The following CTDSP2 variants were observed in gnomAD, a reference collection of about 807,000 sequenced individuals.
CTDSP2 encodes the protein CTD small phosphatase 2.
A neutral mutation model predicts 31.6 loss-of-function variants in CTDSP2; 9 were observed. The ratio of observed to expected loss-of-function variants is 0.28; its 90% CI spans 0.17 to 0.50. The LOEUF (loss-of-function observed/expected upper bound fraction) is 0.50, where lower values mean the gene tolerates loss of function less well. CTDSP2 is among the 20% of genes least tolerant of loss of function. CTDSP2 has a pLI of 0.98. For synonymous variants in CTDSP2, 134 were observed against 134.5 expected (o/e 1.00, Z 0.03); for missense variants, 267 against 348.5 (o/e 0.77, Z 1.86).
intron 1 of CTDSP2, among the ~76,000 whole-genome samples, chr12:57,834,101 TC>T (rs1160087676): frequency 6.6e-6 from 1 of 152,160 alleles, no homozygotes; most frequent in East Asian, 1.9e-4. Flanking sequence ...GTATAGGGTC[TC>T]ATACACATTT....
chr12:57,842,519 A>G (rs1233815463), intron 1 of CTDSP2: 1 of 152,216 alleles, frequency 6.6e-6, no homozygotes, highest in East Asian at 1.9e-4. Context: ...GCAAACCCCC[A>G]GCCCCAGATG....
At chr12:57,837,051 G>C (rs919468123) in intron 1 of CTDSP2, 2 of 152,154 alleles carry the variant, frequency 1.3e-5, no homozygotes, top group Admixed American at 6.5e-5. Flanking sequence ...GAGCATTTCC[G>C]GCCCTTCTTG....
intron 1 of CTDSP2, 96 bp downstream of exon 1, chr12:57,846,276 C>T (rs886650575): frequency 1.4e-5 from 17 of 1,172,796 alleles, no homozygotes; most frequent in Non-Finnish European, 2.1e-5. Context: ...TGGCTCTAAG[C>T]CCTGGAGGTC....
intron 1 of CTDSP2, among the ~76,000 whole-genome samples, chr12:57,838,383 T>C (rs1399660996): frequency 2.0e-5 from 3 of 152,184 alleles, no homozygotes; most frequent in African/African-American, 7.2e-5. Context: ...AAGGTATCAT[T>C]GTGAGGGATT....
intron 5 of CTDSP2, among the ~76,000 whole-genome samples, chr12:57,825,668 C>T (rs909456700): frequency 3.9e-5 from 6 of 152,216 alleles, no homozygotes; most frequent in African/African-American, 1.4e-4. Flanking sequence ...TGATCCTTAA[C>T]CTGGGACTGC....
chr12:57,846,247 G>A (rs1956315364), intron 1 of CTDSP2, 125 bp downstream of exon 1: 1 of 817,052 alleles, frequency 1.2e-6, no homozygotes, highest in East Asian at 3.2e-5. Flanking sequence ...ATGGACCGGA[G>A]GGGTCCAGTC....
chr12:57,841,748 G>A lies in CTDSP2; in HGVS notation c.64+4624C>T, dbSNP rs376430576. ...TGAAAAATAAAACCCACAAGACTAC[G>A]TGCTGTTTACACTGTGTCCTTGGGG... On this transcript the variant is annotated intron_variant, in intron 1 of 7. Transcript: ENST00000398073. Among the ~76,000 whole-genome samples, 25 of 152,312 alleles carry A rather than the reference G, an allele frequency of 1.6e-4. No individual in the cohort carries two copies. In the South Asian group the frequency reaches 5.0e-3, roughly 30 times the overall value.
intron 1 of CTDSP2, among the ~76,000 whole-genome samples, chr12:57,830,058 G>C (rs1426379126): frequency 6.6e-6 from 1 of 152,188 alleles, no homozygotes; most frequent in Non-Finnish European, 1.5e-5. Context: ...TACTGGCTTA[G>C]TGGAGGCAGA....
intron 1 of CTDSP2, among the ~76,000 whole-genome samples, chr12:57,831,328 T>C (rs1264528836): frequency 6.6e-6 from 1 of 151,854 alleles, no homozygotes; most frequent in African/African-American, 2.4e-5. Flanking sequence ...TGGCACGCGC[T>C]TGTAATCCCA....
At chr12:57,839,403 T>A (rs1006282945) in intron 1 of CTDSP2, among the ~76,000 whole-genome samples, 5 of 152,120 alleles carry the variant, frequency 3.3e-5, no homozygotes, top group African/African-American at 1.2e-4. Flanking sequence ...ACCTGAATCA[T>A]GAACTCAAAA....
chr12:57,823,566 C>G lies in CTDSP2; in HGVS notation c.*36G>C. 6.2e-7 allele frequency: 1 copy of G among 1,610,662 alleles called. No individual in the cohort carries two copies. ...GTAAAGGCACAGTGTGGGAAAGTCC[C>G]CTACTGGGATGGCCGTCGCTTGGAA... is the stretch of plus-strand genomic sequence containing the variant. On this transcript the variant is annotated 3_prime_UTR_variant, in exon 8 of 8. Transcript: ENST00000398073.
At position 57,832,722 on chromosome 12, in the gene CTDSP2, G is replaced by A. The variant is rs193249605; in HGVS notation, c.65-3126C>T. 6.9e-5 allele frequency among the ~76,000 whole-genome samples: 10 copies of A among 144,972 alleles called. No homozygotes were observed. The East Asian group carries it at 2.3e-3, about 33-fold the overall frequency. On this transcript the variant is annotated intron_variant, in intron 1 of 7. Coordinates refer to ENST00000398073, the MANE Select transcript of CTDSP2 (RefSeq NM_005730.4). ...CAGGAGAATCACTTGAATCCGGGAG[G>A]CATAGGTTGCACTGAGCTGAGATCG...
intron 5 of CTDSP2, chr12:57,824,815 C>T: frequency 2.6e-6 from 1 of 380,682 alleles, no homozygotes; most frequent in South Asian, 1.9e-5. Flanking sequence ...GACAGACACC[C>T]TGCCGAGTCT....
intron 1 of CTDSP2, among the ~76,000 whole-genome samples, chr12:57,832,790 T>TAAAAAAAAAAAAAAAAAAA (rs61390174): frequency 2.2e-5 from 1 of 44,898 alleles, no homozygotes. Flanking sequence ...AGACTCTGGC[T>TAAAAAAAAAAAAAAAAAAA]AAAAAAAAAA....
intron 1 of CTDSP2, among the ~76,000 whole-genome samples, chr12:57,831,476 A>G (rs868778072): frequency 1.3e-5 from 2 of 152,168 alleles, no homozygotes; most frequent in Non-Finnish European, 2.9e-5. Flanking sequence ...TATCTTTTGC[A>G]AGTTCCTTTT....
intron 1 of CTDSP2, among the ~76,000 whole-genome samples, chr12:57,839,678 C>A (rs190311845): frequency 1.3e-5 from 2 of 151,912 alleles, no homozygotes; most frequent in African/African-American, 2.4e-5. Context: ...AGATCGAGAT[C>A]GCGCCACTGC....
At chr12:57,826,303 C>T (rs769745581) in intron 5 of CTDSP2, 43 bp downstream of exon 5, 3 of 1,586,614 alleles carry the variant, frequency 1.9e-6, no homozygotes, top group Non-Finnish European at 1.7e-6. Flanking sequence ...AGAAGGCAGA[C>T]CCCCCACCCT....
chr12:57,828,744 G>A (rs1329574474), intron 2 of CTDSP2, among the ~76,000 whole-genome samples: 2 of 152,230 alleles, frequency 1.3e-5, no homozygotes, highest in African/African-American at 4.8e-5. Flanking sequence ...GCCTGGTCTT[G>A]AGAAAAAGGA....
At position 57,824,058 on chromosome 12, in the gene CTDSP2, C is replaced by T. The variant is rs376232288; in HGVS notation, c.536G>A (p.Arg179Gln). The T allele has an allele frequency of 8.5e-5, 137 of 1,614,054 alleles. No homozygotes were observed. The highest frequency in any genetic ancestry group is 1.0e-4 in the Non-Finnish European group (122 of 1,179,986). Residue 179 changes from arginine (R) to glutamine (Q), a missense_variant, in exon 7 of 8, where the codon CGG becomes CAG. By Grantham distance (43) the Arg-to-Gln change is conservative. This residue lies in a region of CTDSP2 where 156 missense variants were observed against 241.3 expected (regional missense o/e 0.65). Transcript: ENST00000398073. ...YADPVTDLLD[R>Q]CGVFRARLFR... ...TAGGCGGGCCCGGAACACCCCACACCGGTCCAGCAGGTCTGTCACAGGGTC... is the reference window on the plus strand; with the variant it reads ...TAGGCGGGCCCGGAACACCCCACACTGGTCCAGCAGGTCTGTCACAGGGTC...
Sources: gnomAD v4.1 joint callset for allele counts (sites outside exome capture counted in the v4.1 genomes callset) on GRCh38, gnomAD v4.1.1 for gene constraint, gnomAD v4.1.1 regional missense constraint, MANE v1.5 for transcripts, NCBI Gene and HGNC (gene_info 2026-07-23, HGNC 2026-07-21) for gene names.